The following SEPTIN14 variants were observed in gnomAD, a reference collection of about 807,000 sequenced individuals.
SEPTIN14 encodes septin-14.
Under a neutral mutation model 53.6 loss-of-function variants are expected in SEPTIN14, and 40 were observed. The ratio of observed to expected loss-of-function variants is 0.75; its 90% CI spans 0.58 to 0.97. SEPTIN14 has a LOEUF of 0.97. SEPTIN14 is among the 50% of genes least tolerant of loss of function. SEPTIN14 has a pLI of 0.00. For synonymous variants in SEPTIN14, 138 were observed against 166.8 expected (o/e 0.83, Z 1.33); for missense variants, 471 against 508.2 (o/e 0.93, Z 0.70).
In SEPTIN14 at chr7:55,835,380, T is replaced by G. The variant is rs1219533233; in HGVS notation, c.559-794A>C. The stretch of plus-strand genomic sequence containing the variant: ...ACCATGCCCGGCTACTTTTTGGTAT[T>G]TTTAGTAGAGACGGGGTTTCACCGT... On this transcript the variant is annotated intron_variant, in intron 5 of 9. Transcript: ENST00000388975. Among the ~76,000 whole-genome samples, 3 of 151,866 alleles carry G rather than the reference T, an allele frequency of 2.0e-5. No individual in the cohort carries two copies. In the East Asian group the frequency reaches 5.8e-4, roughly 30 times the overall value.
intron 7 of SEPTIN14, among the ~76,000 whole-genome samples, chr7:55,812,041 C>T (rs982407653): frequency 1.2e-4 from 19 of 152,076 alleles, no homozygotes; most frequent in Non-Finnish European, 1.8e-4. Context: ...GTGATCCACC[C>T]GCCTCAGCCT....
Position 55,819,127 on chromosome 7 carries a change from C to T in SEPTIN14, c.817G>A (p.Val273Met). Residue 273 changes from valine to methionine, a missense_variant and splice_region_variant, in exon 7 of 10, where the codon GTG becomes ATG. Val to Met is a conservative substitution (Grantham distance 21). Coordinates refer to ENST00000388975, the MANE Select transcript of SEPTIN14 (RefSeq NM_207366.3). ...GRHYPWGVLQ[V>M]ENENHCDFVK... is the part of the protein sequence containing the mutation. The stretch of plus-strand genomic sequence containing the variant: ...AAAGCCTGCCCTCTGTCATTTTTAC[C>T]TTGCAAAACTCCCCAAGGGTAGTGA... 3.8e-6 allele frequency: 6 copies of T among 1,559,534 alleles called. No individual in the cohort carries two copies. The East Asian group carries it at 6.9e-5, about 18-fold the overall frequency.
intron 2 of SEPTIN14, among the ~76,000 whole-genome samples, chr7:55,856,059 C>A (rs1024170204): frequency 6.6e-6 from 1 of 152,062 alleles, no homozygotes; most frequent in African/African-American, 2.4e-5. Flanking sequence ...TGAGGAAATA[C>A]TGAATGTGCT....
chr7:55,827,617 G>C (rs923185635), intron 6 of SEPTIN14, among the ~76,000 whole-genome samples: 2 of 152,182 alleles, frequency 1.3e-5, no homozygotes, highest in South Asian at 4.1e-4. Context: ...TTGAGATGTT[G>C]GTGGGTAAGC....
intron 7 of SEPTIN14, among the ~76,000 whole-genome samples, chr7:55,808,493 A>G (rs528888254): frequency 1.3e-5 from 2 of 152,304 alleles, no homozygotes; most frequent in Admixed American, 1.3e-4. Flanking sequence ...AGAAATATAT[A>G]TACACTGCTG....
At chr7:55,854,707 C>T (rs1006411603) in intron 2 of SEPTIN14, among the ~76,000 whole-genome samples, 4 of 151,986 alleles carry the variant, frequency 2.6e-5, no homozygotes, top group Non-Finnish European at 4.4e-5. Flanking sequence ...GGATTACAGG[C>T]GTGAGCTACC....
chr7:55,857,373 G>T (rs1042993967), intron 2 of SEPTIN14, among the ~76,000 whole-genome samples: 1 of 144,204 alleles, frequency 6.9e-6, no homozygotes, highest in East Asian at 2.1e-4. Flanking sequence ...ACTCTGTCTC[G>T]AAAAGAAAAG....
chr7:55,838,342 T>C (rs1789244915), intron 5 of SEPTIN14, among the ~76,000 whole-genome samples: 1 of 152,216 alleles, frequency 6.6e-6, no homozygotes, highest in East Asian at 1.9e-4. Context: ...GCTTTCTGTT[T>C]CACACCATCA....
At chr7:55,825,952 A>G (rs999373317) in intron 6 of SEPTIN14, among the ~76,000 whole-genome samples, 1 of 152,140 alleles carries the variant, frequency 6.6e-6, no homozygotes, top group East Asian at 1.9e-4. Flanking sequence ...AATACAAAAA[A>G]TTAGCTGGGC....
intron 6 of SEPTIN14, among the ~76,000 whole-genome samples, chr7:55,822,287 C>T (rs1788908645): frequency 6.6e-6 from 1 of 152,148 alleles, no homozygotes; most frequent in Non-Finnish European, 1.5e-5. Context: ...ATTCCATGTA[C>T]ATGGATAGAA....
At chr7:55,822,448 G>A (rs755957265) in intron 6 of SEPTIN14, among the ~76,000 whole-genome samples, 1 of 152,114 alleles carries the variant, frequency 6.6e-6, no homozygotes, top group Non-Finnish European at 1.5e-5. Flanking sequence ...AATAGCCAAT[G>A]CAATATTGAA....
intron 2 of SEPTIN14, among the ~76,000 whole-genome samples, chr7:55,851,838 C>T (rs1789519840): frequency 1.3e-5 from 2 of 151,856 alleles, no homozygotes. Flanking sequence ...GAAACCCTGT[C>T]TCTACTAAAA....
intron 9 of SEPTIN14, among the ~76,000 whole-genome samples, chr7:55,803,774 A>G (rs1788562193): frequency 6.6e-6 from 1 of 152,030 alleles, no homozygotes; most frequent in Non-Finnish European, 1.5e-5. Flanking sequence ...GAGGTGGGAG[A>G]GAAAGAGAAA....
intron 2 of SEPTIN14, among the ~76,000 whole-genome samples, chr7:55,851,374 T>A (rs1311006401): frequency 1.3e-5 from 2 of 151,998 alleles, no homozygotes; most frequent in Non-Finnish European, 2.9e-5. Context: ...ATAGTTTTAC[T>A]TTTTCTAGAA....
At chr7:55,841,853 CAAA>C (rs58433679) in intron 5 of SEPTIN14, among the ~76,000 whole-genome samples, 8 of 73,518 alleles carry the variant, frequency 1.1e-4, no homozygotes, top group Admixed American at 1.7e-4. Flanking sequence ...GAAACTCCGC[CAAA>C]AAAAAAAAAA....
At chr7:55,806,961 C>G in intron 8 of SEPTIN14, 129 bp downstream of exon 8, 1 of 602,724 alleles carries the variant, frequency 1.7e-6, no homozygotes, top group Non-Finnish European at 2.8e-6. Context: ...ACCTAACATT[C>G]AGGTGTTTTC....
In SEPTIN14 at chr7:55,859,421, G is replaced by C. The variant is rs1015971645; in HGVS notation, c.54+2522C>G. Among the ~76,000 whole-genome samples, 4 of 151,892 alleles carry C rather than the reference G, an allele frequency of 2.6e-5. No individual in the cohort carries two copies. The South Asian group carries it at 8.3e-4, about 32-fold the overall frequency. On this transcript the variant is annotated intron_variant, in intron 2 of 9. Transcript: ENST00000388975. The stretch of plus-strand genomic sequence containing the variant: ...AAAATTAGCTAACCATGAATGTTTG[G>C]ATTTATTTCTGGGAGCTCTATTGTG...
At position 55,794,497 on chromosome 7, in the gene SEPTIN14, G is replaced by A. The variant is rs1367032534; in HGVS notation, c.*1416C>T. ...CTGCTATGCGTCAGACATTTTTCTA[G>A]GCCTAGGAATGGATACATAAGTGAA... On this transcript the variant is annotated 3_prime_UTR_variant, in exon 10 of 10. Transcript: ENST00000388975. 6.6e-6 allele frequency: 1 copy of A among 152,054 alleles called. No individual in the cohort carries two copies. Among genetic ancestry groups the A allele is most frequent in the Non-Finnish European group, 1.5e-5 (1 of 68,030 alleles). The allele number at this position is 152,054 out of a possible 1,614,324, so 9.4% of individuals were successfully genotyped here. A position where few individuals can be genotyped will look rare whatever the true frequency, so the allele number is the denominator to read the frequency against.
intron 9 of SEPTIN14, among the ~76,000 whole-genome samples, chr7:55,799,236 T>C (rs1434248017): frequency 6.7e-6 from 1 of 149,356 alleles, no homozygotes; most frequent in African/African-American, 2.5e-5. Context: ...CTGGGCGCAG[T>C]GGCTCATGCC....
Sources: allele counts gnomAD v4.1 joint callset (sites outside exome capture counted in the v4.1 genomes callset), GRCh38; gene constraint gnomAD v4.1.1; transcripts MANE v1.5; gene names NCBI Gene and HGNC (gene_info 2026-07-23, HGNC 2026-07-21).